The following NCOA2 variants were observed in gnomAD, a reference collection of about 807,000 sequenced individuals.
NCOA2 encodes the protein class E basic helix-loop-helix protein 75.
Under a neutral mutation model 145.1 loss-of-function variants are expected in NCOA2, and 21 were observed. The ratio of observed to expected loss-of-function variants is 0.14; its 90% CI spans 0.10 to 0.21. NCOA2 has a LOEUF of 0.21. NCOA2 is among the 10% of genes least tolerant of loss of function. The probability of loss-of-function intolerance (pLI) is 1.00; values close to 1 mark genes in which losing one functional copy is unlikely to be tolerated. For synonymous variants in NCOA2, 619 were observed against 637.5 expected, an observed-to-expected ratio of 0.97 and a Z score of 0.44; for missense variants, 1,472 against 1,837.6, an observed-to-expected ratio of 0.80 and a Z score of 3.64.
chr8:70,444,060 G>A, the NCOA2 span, among the ~76,000 whole-genome samples: 2 of 152,124 alleles, frequency 1.3e-5, no homozygotes, highest in East Asian at 3.8e-4. Flanking sequence ...ACACAAACAT[G>A]TAAACAAATG....
intron 1 of NCOA2, among the ~76,000 whole-genome samples, chr8:70,374,115 T>G (rs1474848630): frequency 6.6e-6 from 1 of 152,166 alleles, no homozygotes; most frequent in African/African-American, 2.4e-5. Context: ...CTTGTCAAAA[T>G]AGCATGAATT....
intron 4 of NCOA2, among the ~76,000 whole-genome samples, chr8:70,190,064 C>T (rs1269135855): frequency 1.3e-5 from 2 of 152,094 alleles, no homozygotes; most frequent in Admixed American, 6.5e-5. Context: ...CCTCAGGATG[C>T]TAACAGGGCC....
At position 70,286,885 on chromosome 8, in the gene NCOA2, T is replaced by C. The variant is rs549382950; in HGVS notation, c.-20+9859A>G. ...AACATTTTATAAAATAAAAAGGCCA[T>C]GTCTGTTAAGGTATGATAATCTGAA... On this transcript the variant is annotated intron_variant, in intron 2 of 22. Transcript: ENST00000452400. 7.9e-5 allele frequency among the ~76,000 whole-genome samples: 12 copies of C among 152,288 alleles called. No individual in the cohort carries two copies. In the South Asian group the frequency reaches 8.3e-4, roughly 11 times the overall value.
At chr8:70,252,772 C>T (rs959824058) in intron 2 of NCOA2, among the ~76,000 whole-genome samples, 1 of 152,128 alleles carries the variant, frequency 6.6e-6, no homozygotes, top group African/African-American at 2.4e-5. Flanking sequence ...GCAGATTTGA[C>T]CATACAAATA....
At chr8:70,187,918 G>C (rs1816254815) in intron 4 of NCOA2, among the ~76,000 whole-genome samples, 1 of 152,136 alleles carries the variant, frequency 6.6e-6, no homozygotes, top group African/African-American at 2.4e-5. Flanking sequence ...CTTCAGAAAA[G>C]TTCTACCCAA....
At chr8:70,143,621 A>G (rs1781884796) in intron 13 of NCOA2, among the ~76,000 whole-genome samples, 2 of 152,248 alleles carry the variant, frequency 1.3e-5, no homozygotes, top group South Asian at 4.1e-4. Context: ...CACAGTTCAC[A>G]GTTGCCATGA....
At chr8:70,371,344 C>A (rs867023776) in intron 1 of NCOA2, among the ~76,000 whole-genome samples, 1 of 151,582 alleles carries the variant, frequency 6.6e-6, no homozygotes, top group Non-Finnish European at 1.5e-5. Flanking sequence ...TAAACGTACA[C>A]CTGAAAATGG....
chr8:70,251,255 T>C (rs775188755), intron 2 of NCOA2, among the ~76,000 whole-genome samples: 6 of 152,176 alleles, frequency 3.9e-5, no homozygotes, highest in South Asian at 2.1e-4. Context: ...AAAAAGCTTA[T>C]GCAAACAGCA....
At chr8:70,305,529 C>T (rs1037510454) in intron 1 of NCOA2, among the ~76,000 whole-genome samples, 1 of 152,130 alleles carries the variant, frequency 6.6e-6, no homozygotes, top group Non-Finnish European at 1.5e-5. Context: ...AAACTTAAAA[C>T]GGACCCGGAT....
intron 6 of NCOA2, among the ~76,000 whole-genome samples, chr8:70,169,008 C>G (rs2132596022): frequency 6.6e-6 from 1 of 152,288 alleles, no homozygotes; most frequent in Non-Finnish European, 1.5e-5. Flanking sequence ...TGAAAAGGAC[C>G]TTTTCCTACT....
intron 4 of NCOA2, among the ~76,000 whole-genome samples, chr8:70,183,159 G>C (rs1439254587): frequency 6.6e-6 from 1 of 152,084 alleles, no homozygotes; most frequent in Non-Finnish European, 1.5e-5. Context: ...GGAAATAAAG[G>C]AATCATAATT....
intron 2 of NCOA2, among the ~76,000 whole-genome samples, chr8:70,263,240 G>C (rs1824287425): frequency 6.7e-6 from 1 of 148,470 alleles, no homozygotes; most frequent in Non-Finnish European, 1.5e-5. Flanking sequence ...AGAGTGTGGA[G>C]ATGAGGGACA....
chr8:70,402,028 G>C (rs1407576288), intron 1 of NCOA2: 2 of 152,370 alleles, frequency 1.3e-5, no homozygotes, highest in Admixed American at 1.3e-4. Flanking sequence ...ATCAAGGAGC[G>C]GGTGACTCGG....
chr8:70,152,794 AGTTAGTAATAG>A (rs1811889003), intron 11 of NCOA2, among the ~76,000 whole-genome samples: 1 of 152,238 alleles, frequency 6.6e-6, no homozygotes, highest in African/African-American at 2.4e-5. Context: ...GTCATTAATA[AGTTAGTAATAG>A]GTTAAACACA....
At position 70,141,175 on chromosome 8, in the gene NCOA2, C is replaced by A. The variant is rs778101662; in HGVS notation, c.3028+9G>T. On this transcript the variant is annotated intron_variant, in intron 14 of 22. Transcript: ENST00000452400. ...AAGTTAAAAGCAAACAGCACTAGAG[C>A]CACCTTACCTATATTCATGACCTGA... The A allele has an allele frequency of 6.2e-7, 1 of 1,612,146 alleles. No individual in the cohort carries two copies. Among genetic ancestry groups the A allele is most frequent in the Non-Finnish European group, 8.5e-7 (1 of 1,179,042 alleles).
intron 2 of NCOA2, among the ~76,000 whole-genome samples, chr8:70,292,079 A>G (rs1180600557): frequency 6.6e-6 from 1 of 151,720 alleles, no homozygotes; most frequent in Non-Finnish European, 1.5e-5. Context: ...CGTCTCAAAA[A>G]AAAAAAAAAA....
chr8:70,276,421 A>C (rs1825472154), intron 2 of NCOA2, among the ~76,000 whole-genome samples: 1 of 152,214 alleles, frequency 6.6e-6, no homozygotes. Flanking sequence ...CCAAATTTTA[A>C]GTACACTGAT....
the NCOA2 span, among the ~76,000 whole-genome samples, chr8:70,435,621 A>G: frequency 6.6e-6 from 1 of 151,184 alleles, no homozygotes; most frequent in Non-Finnish European, 1.5e-5. Context: ...GTGAAGATTG[A>G]ATAAATTCAC....
At position 70,128,445 on chromosome 8, in the gene NCOA2, T is replaced by C; in HGVS notation, c.3669A>G (p.Gly1223=). 6.2e-7 allele frequency: 1 copy of C among 1,612,376 alleles called. No individual in the cohort carries two copies. The stretch of plus-strand genomic sequence containing the variant: ...TATGTTGCCTTACCTGTGTTGGTAC[T>C]CCAGGCCTCAGAGTCAAGTTCACAT... ...VSNVNLTLRP[G]VPTQAPINAQ... Residue 1223 remains glycine (G), a synonymous_variant, in exon 18 of 23, where the codon GGA becomes GGG. Coordinates refer to ENST00000452400, the MANE Select transcript of NCOA2 (RefSeq NM_006540.4).
Sources: gnomAD v4.1 joint callset for allele counts (sites outside exome capture counted in the v4.1 genomes callset) on GRCh38, gnomAD v4.1.1 for gene constraint, MANE v1.5 for transcripts, NCBI Gene and HGNC (gene_info 2026-07-23, HGNC 2026-07-21) for gene names.